Variants in NXN observed in about 807,000 individuals in gnomAD.
NXN encodes the protein nucleoredoxin.
In NXN, 16 loss-of-function variants were observed where a neutral mutation model predicts 48.6. That is an observed-to-expected ratio of 0.33 (90% CI 0.22 to 0.50). NXN has a LOEUF of 0.50. Among genes scored for constraint, NXN ranks in the 20% least tolerant of loss-of-function variants. The probability of loss-of-function intolerance (pLI) is 0.98; values close to 1 mark genes in which losing one functional copy is unlikely to be tolerated. For synonymous variants in NXN, 281 were observed against 269.6 expected, an observed-to-expected ratio of 1.04 and a Z score of -0.41; for missense variants, 492 against 605.5, an observed-to-expected ratio of 0.81 and a Z score of 1.97.
intron 5 of NXN, chr17:819,235 C>A (rs1435303562): frequency 3.4e-6 from 2 of 587,128 alleles, no homozygotes; most frequent in Admixed American, 5.0e-5. Flanking sequence ...TGTGAGCTGC[C>A]ATGCCCGGCC....
chr17:895,744 A>G (rs977249521), intron 1 of NXN, among the ~76,000 whole-genome samples: 7 of 147,756 alleles, frequency 4.7e-5, no homozygotes, highest in East Asian at 2.0e-4. Flanking sequence ...CGTGAACCTG[A>G]GAGGCGGAGC....
chr17:897,344 G>T (rs1270962996), intron 1 of NXN, among the ~76,000 whole-genome samples: 1 of 152,194 alleles, frequency 6.6e-6, no homozygotes, highest in Non-Finnish European at 1.5e-5. Context: ...AGCATGGGCT[G>T]CCCCACACTG....
chr17:972,948 A>T (rs2586260), intron 1 of NXN, among the ~76,000 whole-genome samples: 38,883 of 151,042 alleles, frequency 0.26, 7,602 homozygotes, highest in African/African-American at 0.54. Flanking sequence ...GGAGAATGGC[A>T]GGAACCCGGG....
intron 1 of NXN, among the ~76,000 whole-genome samples, chr17:835,191 C>T (rs1187438425): frequency 6.6e-6 from 1 of 151,360 alleles, no homozygotes; most frequent in Admixed American, 6.6e-5. Flanking sequence ...GCCTGTACTC[C>T]CAGCTACTCG....
chr17:977,772 T>C (rs1186396531), intron 1 of NXN, among the ~76,000 whole-genome samples: 1 of 152,240 alleles, frequency 6.6e-6, no homozygotes, highest in Non-Finnish European at 1.5e-5. Context: ...TCCACGAACG[T>C]ATCACAAAAA....
chr17:852,714 C>T (rs554874592), intron 1 of NXN, among the ~76,000 whole-genome samples: 3 of 152,296 alleles, frequency 2.0e-5, no homozygotes, highest in Non-Finnish European at 2.9e-5. Flanking sequence ...GCCAGGTCCC[C>T]CTGCACGGTT....
At chr17:921,743 TGGCCGGCCC>T in intron 1 of NXN, among the ~76,000 whole-genome samples, 1 of 148,142 alleles carries the variant, frequency 6.8e-6, no homozygotes, top group Non-Finnish European at 1.5e-5. Flanking sequence ...GGACAACACC[TGGCCGGCCC>T]AGGCTCTCAT....
chr17:812,490 C>T (rs892900434), intron 5 of NXN, among the ~76,000 whole-genome samples: 4 of 152,192 alleles, frequency 2.6e-5, no homozygotes, highest in Non-Finnish European at 5.9e-5. Context: ...GGGAGCAGGA[C>T]GTCCCCAGAG....
intron 1 of NXN, among the ~76,000 whole-genome samples, chr17:846,291 G>A (rs1301812468): frequency 2.0e-5 from 3 of 151,692 alleles, no homozygotes; most frequent in Non-Finnish European, 2.9e-5. Context: ...GGTGGTGGGC[G>A]CCTGTAATCC....
At chr17:823,400 GA>G (rs60674309) in intron 3 of NXN, among the ~76,000 whole-genome samples, 47 of 142,368 alleles carry the variant, frequency 3.3e-4, no homozygotes, top group Admixed American at 5.6e-4. Context: ...CTCTGGCTCA[GA>G]AAAAAAAAAA....
chr17:812,053 G>A (rs899041851), intron 5 of NXN, among the ~76,000 whole-genome samples: 7 of 148,938 alleles, frequency 4.7e-5, no homozygotes, highest in East Asian at 2.0e-4. Flanking sequence ...TCAGCCTCCC[G>A]AGTAGCTGGG....
At chr17:894,933 T>A (rs2068460137) in intron 1 of NXN, among the ~76,000 whole-genome samples, 1 of 150,494 alleles carries the variant, frequency 6.6e-6, no homozygotes, top group African/African-American at 2.4e-5. Flanking sequence ...CCTTCATGAT[T>A]CCCTGAAATC....
Position 932,993 on chromosome 17 carries a change from T to C in NXN, c.360+46326A>G, listed in dbSNP as rs11656204. 6.6e-6 allele frequency among the ~76,000 whole-genome samples: 1 copy of C among 151,930 alleles called. No homozygotes were observed. The highest frequency in any genetic ancestry group is 1.5e-5 in the Non-Finnish European group (1 of 67,974). ...GCTCAGTTTCAGTCGTCATGACCACTTGTAATATCCCTTCCCACTAACATC... is the reference window on the plus strand; with the variant it reads ...GCTCAGTTTCAGTCGTCATGACCACCTGTAATATCCCTTCCCACTAACATC... On this transcript the variant is annotated intron_variant, in intron 1 of 7. Transcript: ENST00000336868. The surrounding 1 kb of genome is among the most constrained non-coding windows in gnomAD (Gnocchi z 4.1).
intron 5 of NXN, among the ~76,000 whole-genome samples, chr17:810,443 A>G (rs66799033): frequency 0.25 from 38,505 of 151,982 alleles, 5,139 homozygotes; most frequent in East Asian, 0.37. Context: ...ACGGCAGCCT[A>G]TTTAGCTCGT....
At position 956,641 on chromosome 17, in the gene NXN, C is replaced by T. The variant is rs2069172258; in HGVS notation, c.360+22678G>A. Among the ~76,000 whole-genome samples the T allele has an allele frequency of 6.6e-6, 1 of 152,168 alleles. No homozygotes were observed. Among genetic ancestry groups the T allele is most frequent in the Non-Finnish European group, 1.5e-5 (1 of 68,038 alleles). The stretch of plus-strand genomic sequence containing the variant: ...TGTTAGCCAGGATGGTCTCGATCTC[C>T]AGACCTCAGGTGATCCGTCCACCTC... On this transcript the variant is annotated intron_variant, in intron 1 of 7. Coordinates refer to ENST00000336868, the MANE Select transcript of NXN (RefSeq NM_022463.5). The surrounding 1 kb of genome is among the most constrained non-coding windows in gnomAD (Gnocchi z 4.1).
chr17:852,816 G>A (rs1166935244), intron 1 of NXN, among the ~76,000 whole-genome samples: 1 of 151,854 alleles, frequency 6.6e-6, no homozygotes, highest in East Asian at 1.9e-4. Context: ...GGAAGAAAGA[G>A]CTTGACCAGA....
At chr17:806,958 A>C (rs1439136411) in intron 5 of NXN, among the ~76,000 whole-genome samples, 1 of 152,082 alleles carries the variant, frequency 6.6e-6, no homozygotes, top group African/African-American at 2.4e-5. Flanking sequence ...GCACGCGCCC[A>C]CACACACATG....
intron 1 of NXN, among the ~76,000 whole-genome samples, chr17:923,952 T>C (rs938690616): frequency 6.6e-6 from 1 of 152,220 alleles, no homozygotes; most frequent in East Asian, 1.9e-4. Flanking sequence ...TGTATTTTTT[T>C]AAGTATATTT....
intron 1 of NXN, among the ~76,000 whole-genome samples, chr17:939,639 C>G (rs1055788485): frequency 6.6e-6 from 1 of 152,142 alleles, no homozygotes; most frequent in African/African-American, 2.4e-5. Context: ...AGCCACCGCG[C>G]CTGGCCAGAG....
Sources: allele counts gnomAD v4.1 joint callset (sites outside exome capture counted in the v4.1 genomes callset), GRCh38; gene constraint gnomAD v4.1.1; non-coding constraint Gnocchi (gnomAD v3.1); transcripts MANE v1.5; gene names NCBI Gene and HGNC (gene_info 2026-07-23, HGNC 2026-07-21).